Variants in CSMD1 observed in about 807,000 individuals in gnomAD.
CSMD1 encodes CUB and sushi domain-containing protein 1.
CSMD1 carries 213 observed loss-of-function variants against 417.5 expected under a neutral mutation model. That is an observed-to-expected ratio of 0.51 (90% CI 0.46 to 0.57). The LOEUF (loss-of-function observed/expected upper bound fraction) is 0.57. Among genes scored for constraint, CSMD1 ranks in the 20% least tolerant of loss-of-function variants. The probability of loss-of-function intolerance (pLI) is 0.00; values close to 1 mark genes in which losing one functional copy is unlikely to be tolerated. For missense variants in CSMD1, 6,923 were observed against 4,529.7 expected, an observed-to-expected ratio of 1.53 and a Z score of -15.17; for synonymous variants, 2,862 against 1,736.8, an observed-to-expected ratio of 1.65 and a Z score of -16.11.
chr8:4,378,637 T>C (rs1802905513), intron 3 of CSMD1, among the ~76,000 whole-genome samples: 2 of 152,166 alleles, frequency 1.3e-5, no homozygotes, highest in African/African-American at 2.4e-5. Context: ...ACAAAAAGAA[T>C]AGGTGGATAG....
At chr8:4,130,370 C>T (rs1266556135) in intron 3 of CSMD1, among the ~76,000 whole-genome samples, 3 of 152,210 alleles carry the variant, frequency 2.0e-5, no homozygotes, top group Non-Finnish European at 4.4e-5. Flanking sequence ...GAATTTGATC[C>T]TAATTCCTTG....
chr8:4,921,250 A>C (rs1472273102), intron 1 of CSMD1, among the ~76,000 whole-genome samples: 1 of 152,164 alleles, frequency 6.6e-6, no homozygotes, highest in Non-Finnish European at 1.5e-5. Context: ...CACCAGCCAG[A>C]GGCAACATTT....
chr8:3,993,648 G>C (rs1275423635), intron 5 of CSMD1, among the ~76,000 whole-genome samples: 1 of 152,158 alleles, frequency 6.6e-6, no homozygotes, highest in Admixed American at 6.5e-5. Flanking sequence ...AAGTTATGCT[G>C]GTTCATGAAA....
At chr8:4,176,073 G>A (rs1397462992) in intron 3 of CSMD1, among the ~76,000 whole-genome samples, 3 of 152,068 alleles carry the variant, frequency 2.0e-5, no homozygotes, top group Non-Finnish European at 4.4e-5. Context: ...CTTAGATGTG[G>A]AACCCTTGCA....
At chr8:4,299,612 A>G (rs1485693595) in intron 3 of CSMD1, among the ~76,000 whole-genome samples, 1 of 152,106 alleles carries the variant, frequency 6.6e-6, no homozygotes, top group Non-Finnish European at 1.5e-5. Context: ...ATATTTTTGT[A>G]TCATATCATA....
chr8:3,648,220 G>A (rs184260109), intron 7 of CSMD1, among the ~76,000 whole-genome samples: 1 of 152,172 alleles, frequency 6.6e-6, no homozygotes, highest in African/African-American at 2.4e-5. Context: ...ATATACTAGA[G>A]ACATGATTTT....
chr8:4,010,749 G>A (rs1816479552), intron 4 of CSMD1, among the ~76,000 whole-genome samples: 1 of 151,912 alleles, frequency 6.6e-6, no homozygotes, highest in African/African-American at 2.4e-5. Context: ...CCATCCTTAG[G>A]GCTCATGGCC....
chr8:2,995,881 G>A (rs1390783036), intron 54 of CSMD1, among the ~76,000 whole-genome samples: 1 of 152,210 alleles, frequency 6.6e-6, no homozygotes, highest in Non-Finnish European at 1.5e-5. Flanking sequence ...CAGGTTAATG[G>A]ATACCAGGAA....
At chr8:4,584,782 G>C (rs983649661) in intron 2 of CSMD1, among the ~76,000 whole-genome samples, 5 of 152,064 alleles carry the variant, frequency 3.3e-5, no homozygotes. Flanking sequence ...TCTCCTCTCT[G>C]AGGTTAGGCC....
intron 2 of CSMD1, among the ~76,000 whole-genome samples, chr8:4,495,596 T>C (rs1001021987): frequency 5.3e-5 from 8 of 151,548 alleles, no homozygotes; most frequent in East Asian, 1.9e-4. Flanking sequence ...AAAAAAAGAA[T>C]TGCTTTTTAG....
intron 10 of CSMD1, among the ~76,000 whole-genome samples, chr8:3,561,699 C>G (rs1563155684): frequency 6.6e-6 from 1 of 152,102 alleles, no homozygotes; most frequent in Non-Finnish European, 1.5e-5. Flanking sequence ...GATGGGTGTA[C>G]TACCAGCCCC....
rs1806941697 is a variant in CSMD1, at chr8:2,996,853, A to G, written c.8377+1158T>C. ...ACACAAATACAATGAAAGAAGAAGAAAAGTTGTAGTTCAGGTGAAATCAGT... is the reference window on the plus strand; with the variant it reads ...ACACAAATACAATGAAAGAAGAAGAGAAGTTGTAGTTCAGGTGAAATCAGT... On this transcript the variant is annotated intron_variant, in intron 54 of 69. Transcript: ENST00000635120. Among the ~76,000 whole-genome samples, 2 of 152,268 alleles carry G rather than the reference A, an allele frequency of 1.3e-5. 1 individual carries two copies. Among genetic ancestry groups the G allele is most frequent in the South Asian group, 4.1e-4 (2 of 4,836 alleles).
At chr8:4,228,314 G>T (rs545364155) in intron 3 of CSMD1, among the ~76,000 whole-genome samples, 40 of 152,260 alleles carry the variant, frequency 2.6e-4, no homozygotes, top group Non-Finnish European at 4.7e-4. Context: ...TTTGAAATAG[G>T]TGTTTTATTC....
intron 3 of CSMD1, among the ~76,000 whole-genome samples, chr8:4,343,759 G>C (rs1800620847): frequency 6.6e-6 from 1 of 151,876 alleles, no homozygotes; most frequent in Non-Finnish European, 1.5e-5. Context: ...TGTGCACTGG[G>C]GCTCATCTTT....
intron 5 of CSMD1, among the ~76,000 whole-genome samples, chr8:3,961,673 T>G (rs1812333893): frequency 6.6e-6 from 1 of 152,122 alleles, no homozygotes; most frequent in Non-Finnish European, 1.5e-5. Context: ...ATAAATAAAG[T>G]GAAAGCAAAC....
chr8:3,586,495 C>G (rs1178315959), intron 8 of CSMD1, among the ~76,000 whole-genome samples: 2 of 151,948 alleles, frequency 1.3e-5, no homozygotes, highest in Non-Finnish European at 2.9e-5. Context: ...ACTAAACAAA[C>G]ACATGAACCT....
intron 1 of CSMD1, among the ~76,000 whole-genome samples, chr8:4,814,605 A>G (rs1476597854): frequency 6.6e-6 from 1 of 152,204 alleles, no homozygotes; most frequent in Non-Finnish European, 1.5e-5. Flanking sequence ...TAATAAAGCT[A>G]TATTTTAATT....
At chr8:4,544,637 A>G (rs1475679540) in intron 2 of CSMD1, among the ~76,000 whole-genome samples, 2 of 152,222 alleles carry the variant, frequency 1.3e-5, no homozygotes, top group East Asian at 3.9e-4. Context: ...CAATTTAACT[A>G]TAGTTGGTAA....
At chr8:3,553,839 A>C (rs950807669) in intron 10 of CSMD1, among the ~76,000 whole-genome samples, 1 of 152,222 alleles carries the variant, frequency 6.6e-6, no homozygotes, top group Non-Finnish European at 1.5e-5. Context: ...TCACTCTTGA[A>C]AAGGACTGAA....
Sources: gnomAD v4.1 joint callset for allele counts (sites outside exome capture counted in the v4.1 genomes callset) on GRCh38, gnomAD v4.1.1 for gene constraint, MANE v1.5 for transcripts, NCBI Gene and HGNC (gene_info 2026-07-23, HGNC 2026-07-21) for gene names.